PTPRD: variants seen among roughly 807,000 people sequenced by gnomAD.
The protein encoded by PTPRD is receptor-type tyrosine-protein phosphatase delta.
PTPRD carries 34 observed loss-of-function variants against 214.5 expected under a neutral mutation model. The observed-to-expected ratio is 0.16, with a 90% CI of 0.12 to 0.21. The LOEUF (loss-of-function observed/expected upper bound fraction) is 0.21. Among genes scored for constraint, PTPRD ranks in the 10% least tolerant of loss-of-function variants. The probability of loss-of-function intolerance (pLI) is 1.00; values close to 1 mark genes in which losing one functional copy is unlikely to be tolerated. For missense variants in PTPRD, 2,545 were observed against 2,398.7 expected, an observed-to-expected ratio of 1.06 and a Z score of -1.27; for synonymous variants, 1,128 against 845.7, an observed-to-expected ratio of 1.33 and a Z score of -5.79.
intron 2 of PTPRD, among the ~76,000 whole-genome samples, chr9:10,372,299 T>C (rs183646125): frequency 1.4e-4 from 21 of 152,258 alleles, no homozygotes; most frequent in Admixed American, 1.3e-3. Flanking sequence ...CTCTGTTTTG[T>C]TGTTTGCATT....
intron 3 of PTPRD, among the ~76,000 whole-genome samples, chr9:10,329,913 A>T (rs1565334478): frequency 1.3e-5 from 2 of 151,872 alleles, no homozygotes; most frequent in Non-Finnish European, 2.9e-5. Context: ...GCTACTGAAG[A>T]TTCACATTTT....
intron 35 of PTPRD, among the ~76,000 whole-genome samples, chr9:8,422,876 A>G (rs191436777): frequency 3.9e-5 from 6 of 152,274 alleles, no homozygotes; most frequent in Admixed American, 3.9e-4. Flanking sequence ...AAAATCTTCT[A>G]CCTTCCCTTA....
In PTPRD at chr9:8,806,250, G is replaced by T. The variant is rs1445286664; in HGVS notation, c.-103-72304C>A. On this transcript the variant is annotated intron_variant, in intron 11 of 45. Coordinates refer to ENST00000381196, the MANE Select transcript of PTPRD (RefSeq NM_002839.4). Reference sequence around the variant, plus strand: ...CAGCTTACACTTTTTTTTTTGGTGGGGCGGGGGGGGGATTTTTAAGGAGCT... The same window carrying T: ...CAGCTTACACTTTTTTTTTTGGTGGTGCGGGGGGGGGATTTTTAAGGAGCT... Among the ~76,000 whole-genome samples, 5 of 145,070 alleles carry T rather than the reference G, an allele frequency of 3.4e-5. No individual in the cohort carries two copies. In the East Asian group the frequency reaches 1.1e-3, roughly 31 times the overall value.
At chr9:9,386,948 T>C (rs751391357) in intron 9 of PTPRD, among the ~76,000 whole-genome samples, 1 of 152,170 alleles carries the variant, frequency 6.6e-6, no homozygotes, top group Non-Finnish European at 1.5e-5. Context: ...ATGCAAAATC[T>C]ACAGAATGAG....
chr9:8,416,111 AT>A (rs1325057377), intron 35 of PTPRD, among the ~76,000 whole-genome samples: 1 of 152,188 alleles, frequency 6.6e-6, no homozygotes, highest in Non-Finnish European at 1.5e-5. Flanking sequence ...GTATACAATC[AT>A]TTAAAATAAC....
At chr9:9,545,359 GT>G (rs1226104302) in intron 8 of PTPRD, among the ~76,000 whole-genome samples, 2 of 151,642 alleles carry the variant, frequency 1.3e-5, no homozygotes, top group Admixed American at 1.3e-4. Flanking sequence ...TGTCTCCACA[GT>G]TTCGTCTTTT....
At chr9:9,471,857 A>G (rs148331151) in intron 8 of PTPRD, among the ~76,000 whole-genome samples, 1 of 152,278 alleles carries the variant, frequency 6.6e-6, no homozygotes, top group East Asian at 1.9e-4. Context: ...ATACATTTAA[A>G]TGGTCACATT....
At chr9:8,520,197 G>C (rs2097860533) in intron 20 of PTPRD, among the ~76,000 whole-genome samples, 1 of 152,106 alleles carries the variant, frequency 6.6e-6, no homozygotes, top group Admixed American at 6.6e-5. Context: ...TTATTGTACA[G>C]TACAGGTTTT....
At chr9:8,378,297 G>T (rs920889751) in intron 37 of PTPRD, among the ~76,000 whole-genome samples, 3 of 152,030 alleles carry the variant, frequency 2.0e-5, no homozygotes, top group African/African-American at 7.2e-5. Flanking sequence ...GACGTAGAGT[G>T]ACCAGGCATG....
intron 3 of PTPRD, among the ~76,000 whole-genome samples, chr9:10,252,945 G>T (rs142886026): frequency 6.6e-6 from 1 of 151,776 alleles, no homozygotes; most frequent in African/African-American, 2.4e-5. Context: ...CACCACACCC[G>T]GCTCATTTTT....
intron 11 of PTPRD, among the ~76,000 whole-genome samples, chr9:8,952,873 T>G (rs2099110516): frequency 6.6e-6 from 1 of 151,934 alleles, no homozygotes; most frequent in African/African-American, 2.4e-5. Context: ...AGTCCCAAGA[T>G]TCATATAAGC....
chr9:10,414,799 G>A (rs974006399), intron 2 of PTPRD, among the ~76,000 whole-genome samples: 2 of 151,826 alleles, frequency 1.3e-5, no homozygotes, highest in African/African-American at 2.4e-5. Context: ...AACATGGATG[G>A]AACGGAATGC....
At chr9:9,059,608 A>G (rs1449631846) in intron 10 of PTPRD, among the ~76,000 whole-genome samples, 1 of 152,196 alleles carries the variant, frequency 6.6e-6, no homozygotes, top group Non-Finnish European at 1.5e-5. Context: ...TATGTCCTTA[A>G]GCACATTTGT....
chr9:9,550,493 T>C (rs2079937067), intron 8 of PTPRD, among the ~76,000 whole-genome samples: 1 of 148,420 alleles, frequency 6.7e-6, no homozygotes, highest in South Asian at 2.1e-4. Flanking sequence ...ATATATATGG[T>C]ATGATATGTA....
At chr9:10,118,221 T>A (rs993023442) in intron 3 of PTPRD, among the ~76,000 whole-genome samples, 1 of 151,746 alleles carries the variant, frequency 6.6e-6, no homozygotes, top group Non-Finnish European at 1.5e-5. Context: ...TCTATCTATC[T>A]ATCTATCTAT....
intron 8 of PTPRD, among the ~76,000 whole-genome samples, chr9:9,491,939 T>A (rs2095920339): frequency 6.6e-6 from 1 of 151,724 alleles, no homozygotes; most frequent in South Asian, 2.1e-4. Flanking sequence ...GTAGAGTAAA[T>A]CAATGAAACC....
At chr9:10,497,097 T>C (rs2133036493) in intron 2 of PTPRD, among the ~76,000 whole-genome samples, 1 of 151,924 alleles carries the variant, frequency 6.6e-6, no homozygotes, top group East Asian at 1.9e-4. Context: ...AGCTAAACAC[T>C]GGGCACACAT....
At chr9:9,550,820 T>C (rs1569569202) in intron 8 of PTPRD, among the ~76,000 whole-genome samples, 1 of 151,746 alleles carries the variant, frequency 6.6e-6, no homozygotes, top group South Asian at 2.1e-4. Context: ...AAAGAGGATA[T>C]AGAGAGTATA....
chr9:8,752,118 G>A (rs1380579894), intron 11 of PTPRD, among the ~76,000 whole-genome samples: 1 of 152,166 alleles, frequency 6.6e-6, no homozygotes, highest in Non-Finnish European at 1.5e-5. Context: ...ATCTTGAAAA[G>A]GGGCTGGGTA....
Sources: allele counts gnomAD v4.1 joint callset (sites outside exome capture counted in the v4.1 genomes callset), GRCh38; gene constraint gnomAD v4.1.1; transcripts MANE v1.5; gene names NCBI Gene and HGNC (gene_info 2026-07-23, HGNC 2026-07-21).